PTPRJ: variants seen among roughly 807,000 people sequenced by gnomAD.
The protein encoded by PTPRJ is protein tyrosine phosphatase receptor type J, also known as receptor-type tyrosine-protein phosphatase eta.
Under a neutral mutation model 141.3 loss-of-function variants are expected in PTPRJ, and 129 were observed. The observed-to-expected ratio is 0.91, with a 90% CI of 0.79 to 1.06. The LOEUF is 1.06. Ranked by LOEUF, PTPRJ falls within the 50% of genes least tolerant of loss-of-function variation. The probability of loss-of-function intolerance (pLI) is 0.00; values close to 1 mark genes in which losing one functional copy is unlikely to be tolerated. For synonymous variants in PTPRJ, 610 were observed against 640.5 expected (o/e 0.95, Z 0.72); for missense variants, 1,601 against 1,679.7 (o/e 0.95, Z 0.82).
intron 1 of PTPRJ, among the ~76,000 whole-genome samples, chr11:48,000,140 CTTTT>C (rs1168869186): frequency 8.2e-6 from 1 of 121,330 alleles, no homozygotes. Context: ...ATGCCTGGCC[CTTTT>C]TTTTTTTTTT....
At chr11:48,137,496 G>A (rs1449094110) in intron 10 of PTPRJ, among the ~76,000 whole-genome samples, 1 of 152,226 alleles carries the variant, frequency 6.6e-6, no homozygotes, top group East Asian at 1.9e-4. Flanking sequence ...CCATATGCCA[G>A]TCAAGTCCTT....
intron 1 of PTPRJ, among the ~76,000 whole-genome samples, chr11:48,012,304 G>A (rs775386196): frequency 4.6e-5 from 7 of 152,152 alleles, no homozygotes; most frequent in Non-Finnish European, 1.0e-4. Context: ...CCAAGGTCAT[G>A]TTTTCAAGGT....
At chr11:48,000,445 T>C (rs908069535) in intron 1 of PTPRJ, among the ~76,000 whole-genome samples, 1 of 152,104 alleles carries the variant, frequency 6.6e-6, no homozygotes, top group Non-Finnish European at 1.5e-5. Context: ...CTCTCCTGGC[T>C]TGCTTCTTTC....
At position 48,159,945 on chromosome 11, in the gene PTPRJ, T is replaced by C; in HGVS notation, c.3454T>C (p.Tyr1152His). 2 of 1,613,788 alleles carry C rather than the reference T, an allele frequency of 1.2e-6. No homozygotes were observed. Among genetic ancestry groups the C allele is most frequent in the South Asian group, 1.1e-5 (1 of 91,058 alleles). Residue 1152 changes from tyrosine (Y) to histidine (H), a missense_variant, in exon 22 of 25, where the codon TAT becomes CAT. By Grantham distance (83) the Tyr-to-His change is moderately conservative. Transcript: ENST00000418331. The part of the protein sequence containing the change: ...VEQGRTKCEE[Y>H]WPSKQAQDYG... ...TTTGTTCTAGACCAAATGTGAGGAGTATTGGCCCTCCAAGCAGGCTCAGGA... is the reference window on the plus strand; with the variant it reads ...TTTGTTCTAGACCAAATGTGAGGAGCATTGGCCCTCCAAGCAGGCTCAGGA...
At position 48,170,370 on chromosome 11, in the gene PTPRJ, G is replaced by A. The variant is rs750432074; in HGVS notation, c.*3008G>A. The A allele has an allele frequency of 6.6e-6, 1 of 152,010 alleles. No homozygotes were observed. Among genetic ancestry groups the A allele is most frequent in the Non-Finnish European group, 1.5e-5 (1 of 68,040 alleles). 9.4% of individuals were successfully genotyped at this position (152,010 alleles called of 1,614,324 possible). On this transcript the variant is annotated 3_prime_UTR_variant, in exon 25 of 25. Transcript: ENST00000418331. Reference sequence around the variant, plus strand: ...CCTCCAGCCAGACTTCCGCCTAATTGACTCCACTGGATTTGTGCTCTGTTG... The same window carrying A: ...CCTCCAGCCAGACTTCCGCCTAATTAACTCCACTGGATTTGTGCTCTGTTG...
At position 47,980,811 on chromosome 11, in the gene PTPRJ, A is replaced by C; in HGVS notation, c.-102A>C. On this transcript the variant is annotated 5_prime_UTR_variant, in exon 1 of 25. Transcript: ENST00000418331. ...GAGGCGGACCGGCTGGCGGAGGAGG[A>C]GGCGAAGGAGACGGCAGGAGGCGGC... The C allele has an allele frequency of 9.6e-7, 1 of 1,044,650 alleles. No individual in the cohort carries two copies. The highest frequency in any genetic ancestry group is 1.1e-6 in the Non-Finnish European group (1 of 870,818). 64.7% of individuals were successfully genotyped at this position (1,044,650 alleles called of 1,614,324 possible).
chr11:48,040,088 C>T (rs895452940), intron 1 of PTPRJ, among the ~76,000 whole-genome samples: 7 of 152,332 alleles, frequency 4.6e-5, no homozygotes, highest in African/African-American at 9.6e-5. Flanking sequence ...ACCGCCTGGC[C>T]GCTTTTGCCT....
intron 1 of PTPRJ, among the ~76,000 whole-genome samples, chr11:48,022,586 A>G (rs1853681646): frequency 6.6e-6 from 1 of 152,106 alleles, no homozygotes; most frequent in Non-Finnish European, 1.5e-5. Flanking sequence ...TCCTTGGGCC[A>G]GACCCTTTCC....
intron 1 of PTPRJ, among the ~76,000 whole-genome samples, chr11:48,087,338 A>C (rs1047452263): frequency 6.6e-6 from 1 of 152,234 alleles, no homozygotes; most frequent in African/African-American, 2.4e-5. Context: ...AACATCCTTC[A>C]ATGAGAATAT....
chr11:48,026,316 G>T (rs1008702976), intron 1 of PTPRJ, among the ~76,000 whole-genome samples: 1 of 152,148 alleles, frequency 6.6e-6, no homozygotes, highest in Non-Finnish European at 1.5e-5. Context: ...TGGGAAAGGG[G>T]CAGTTGGCTG....
Position 48,137,225 on chromosome 11 carries a change from C to G in PTPRJ, c.2096C>G (p.Ala699Gly). The change falls in exon 10 of 25, where the codon GCA becomes GGA. Residue 699 changes from alanine to glycine, a missense_variant. Transcript: ENST00000418331. ...TCATCATACACAGTGGAGATCTTTG[C>G]ACAAGTAGGGGATGGGATCAAGTCA... ...PGSSYTVEIF[A>G]QVGDGIKSLE... 6.2e-7 allele frequency: 1 copy of G among 1,613,872 alleles called. No homozygotes were observed.
intron 1 of PTPRJ, among the ~76,000 whole-genome samples, chr11:48,033,151 C>T (rs1370477916): frequency 6.6e-6 from 1 of 152,012 alleles, no homozygotes; most frequent in Non-Finnish European, 1.5e-5. Context: ...GGGATGGGTG[C>T]TATTTTCCAA....
At chr11:48,069,758 T>TA (rs1445682615) in intron 1 of PTPRJ, among the ~76,000 whole-genome samples, 1 of 152,152 alleles carries the variant, frequency 6.6e-6, no homozygotes, top group East Asian at 1.9e-4. Flanking sequence ...CATTGACAAT[T>TA]AATTTGTTTA....
At chr11:48,130,766 C>A in intron 8 of PTPRJ, 50 bp downstream of exon 8, 1 of 1,485,050 alleles carries the variant, frequency 6.7e-7, no homozygotes, top group Non-Finnish European at 9.1e-7. Flanking sequence ...TAAAGGAAAT[C>A]AGTATAATTA....
intron 1 of PTPRJ, among the ~76,000 whole-genome samples, chr11:48,072,289 G>T (rs961749090): frequency 6.6e-6 from 1 of 152,192 alleles, no homozygotes; most frequent in Non-Finnish European, 1.5e-5. Flanking sequence ...GCCAGCATCT[G>T]GCCAGGGCCT....
intron 6 of PTPRJ, among the ~76,000 whole-genome samples, chr11:48,127,410 C>T (rs1001235196): frequency 5.9e-5 from 9 of 152,146 alleles, no homozygotes; most frequent in African/African-American, 7.2e-5. Context: ...TGATCTCGGG[C>T]GATCACATAG....
chr11:47,981,769 A>G (rs1853915393), intron 1 of PTPRJ, among the ~76,000 whole-genome samples: 1 of 151,354 alleles, frequency 6.6e-6, no homozygotes, highest in African/African-American at 2.4e-5. Flanking sequence ...GCATTTCCAT[A>G]GGGGCTGAGG....
intron 1 of PTPRJ, among the ~76,000 whole-genome samples, chr11:48,075,656 C>A (rs1220310937): frequency 2.6e-5 from 4 of 151,930 alleles, no homozygotes; most frequent in Non-Finnish European, 5.9e-5. Flanking sequence ...TGGTCTTGAA[C>A]TCTTGGGCTT....
At position 48,137,274 on chromosome 11, in the gene PTPRJ, C is replaced by G. The variant is rs1857127362; in HGVS notation, c.2145C>G (p.Phe715Leu). The G allele has an allele frequency of 6.2e-7, 1 of 1,613,844 alleles. No individual in the cohort carries two copies. The highest frequency in any genetic ancestry group is 1.7e-5 in the Admixed American group (1 of 60,002). The change falls in exon 10 of 25, where the codon TTC becomes TTG. Residue 715 changes from phenylalanine (F) to leucine (L), a missense_variant. Transcript: ENST00000418331. The stretch of plus-strand genomic sequence containing the variant: ...CACTGGAACCTGGCCGGAAGTCATT[C>G]TGTACAGGTGAGTGTAGCCCCAACT... ...IKSLEPGRKSFCTDPASMASF... is the reference protein window; with the variant it reads ...IKSLEPGRKSLCTDPASMASF...
Sources: allele counts gnomAD v4.1 joint callset (sites outside exome capture counted in the v4.1 genomes callset), GRCh38; gene constraint gnomAD v4.1.1; transcripts MANE v1.5; gene names NCBI Gene and HGNC (gene_info 2026-07-23, HGNC 2026-07-21).